TAFA1: variants seen among roughly 807,000 people sequenced by gnomAD.
TAFA1 encodes the protein chemokine-like protein TAFA-1.
A neutral mutation model predicts 18.5 loss-of-function variants in TAFA1; 4 were observed. That is an observed-to-expected ratio of 0.22 (90% CI 0.11 to 0.49). The LOEUF is 0.49. Ranked by LOEUF, TAFA1 falls within the 20% of genes least tolerant of loss-of-function variation. The pLI is 0.98. For missense variants in TAFA1, 147 were observed against 169.0 expected (o/e 0.87, Z 0.72); for synonymous variants, 56 against 55.2 (o/e 1.01, Z -0.06).
the TAFA1 span, among the ~76,000 whole-genome samples, chr3:67,992,197 T>G: frequency 6.6e-6 from 1 of 152,222 alleles, no homozygotes; most frequent in Non-Finnish European, 1.5e-5. Context: ...CCTGGGATCT[T>G]GGCTGTTTAC....
At chr3:68,100,103 A>C (rs1425049233) in intron 2 of TAFA1, among the ~76,000 whole-genome samples, 1 of 152,150 alleles carries the variant, frequency 6.6e-6, no homozygotes, top group Non-Finnish European at 1.5e-5. Flanking sequence ...AGCATCACTC[A>C]ATATACCCAG....
At chr3:68,541,065 G>T (rs997796914) in intron 4 of TAFA1, among the ~76,000 whole-genome samples, 15 of 152,270 alleles carry the variant, frequency 9.9e-5, no homozygotes, top group Admixed American at 9.2e-4. Context: ...TGAAAGCAGA[G>T]GATGTACCTG....
At chr3:68,376,244 G>A (rs1229095816) in intron 2 of TAFA1, among the ~76,000 whole-genome samples, 1 of 151,182 alleles carries the variant, frequency 6.6e-6, no homozygotes, top group African/African-American at 2.4e-5. Flanking sequence ...TTCTATCCTA[G>A]TTCTTTTTTT....
chr3:68,266,573 G>A (rs1471013042), intron 2 of TAFA1, among the ~76,000 whole-genome samples: 3 of 151,984 alleles, frequency 2.0e-5, no homozygotes, highest in Admixed American at 6.6e-5. Context: ...TCCCTTTACC[G>A]AGACTTGTTG....
rs188912241 is a variant in TAFA1, at chr3:68,089,756, C to A, written c.118+83012C>A. 1.5e-4 allele frequency among the ~76,000 whole-genome samples: 23 copies of A among 152,148 alleles called. No individual in the cohort carries two copies. The East Asian group carries it at 4.5e-3, about 29-fold the overall frequency. Reference sequence around the variant, plus strand: ...GTTCCTGAGGCACTCAGAGAGAATCCTTTTTAATAATTCAGCCATCTGTAT... The same window carrying A: ...GTTCCTGAGGCACTCAGAGAGAATCATTTTTAATAATTCAGCCATCTGTAT... On this transcript the variant is annotated intron_variant, in intron 2 of 4. Transcript: ENST00000478136.
intron 2 of TAFA1, among the ~76,000 whole-genome samples, chr3:68,117,289 T>G (rs2065335907): frequency 6.6e-6 from 1 of 152,176 alleles, no homozygotes; most frequent in African/African-American, 2.4e-5. Flanking sequence ...ACGCAAAACT[T>G]CTCAGGAGCA....
At chr3:68,255,556 G>C (rs959922849) in intron 2 of TAFA1, among the ~76,000 whole-genome samples, 1 of 152,010 alleles carries the variant, frequency 6.6e-6, no homozygotes, top group Non-Finnish European at 1.5e-5. Flanking sequence ...CTGGGATTTG[G>C]AGCTAAATGT....
chr3:68,541,650 G>A (rs1511907), intron 4 of TAFA1, among the ~76,000 whole-genome samples: 33,937 of 151,658 alleles, frequency 0.22, 4,602 homozygotes, highest in South Asian at 0.33. Context: ...TTCAAAGACA[G>A]TTCACTCAGG....
chr3:68,446,012 C>T (rs2071469258), intron 3 of TAFA1, among the ~76,000 whole-genome samples: 1 of 152,130 alleles, frequency 6.6e-6, no homozygotes. Flanking sequence ...AGTAATTCTT[C>T]CTCTTTAGTC....
At chr3:68,180,209 T>G (rs2066180339) in intron 2 of TAFA1, among the ~76,000 whole-genome samples, 2 of 151,702 alleles carry the variant, frequency 1.3e-5, no homozygotes, top group Non-Finnish European at 2.9e-5. Flanking sequence ...ATTTTTTTTT[T>G]TTGTATTTTT....
At chr3:68,391,897 G>A (rs2070259383) in intron 2 of TAFA1, among the ~76,000 whole-genome samples, 1 of 152,134 alleles carries the variant, frequency 6.6e-6, no homozygotes, top group Admixed American at 6.6e-5. Context: ...ACCAGCCACT[G>A]CAAAAGCATA....
chr3:68,143,640 G>A (rs931831812), intron 2 of TAFA1, among the ~76,000 whole-genome samples: 2 of 152,082 alleles, frequency 1.3e-5, no homozygotes, highest in Non-Finnish European at 2.9e-5. Context: ...AAGAGTCTTC[G>A]GACATGGCCA....
Position 68,506,262 on chromosome 3 carries a change from C to T in TAFA1, c.260-32494C>T, listed in dbSNP as rs377629759. Among the ~76,000 whole-genome samples, 32 of 152,158 alleles carry T rather than the reference C, an allele frequency of 2.1e-4. No individual in the cohort carries two copies. In the Middle Eastern group the frequency reaches 0.01, roughly 49 times the overall value. The stretch of plus-strand genomic sequence containing the variant: ...CATAGTATTCCATGGTGTATATATG[C>T]CACATTTTCTTTATCCAGTCTATCA... On this transcript the variant is annotated intron_variant, in intron 3 of 4. Coordinates refer to ENST00000478136, the MANE Select transcript of TAFA1 (RefSeq NM_213609.4).
intron 2 of TAFA1, among the ~76,000 whole-genome samples, chr3:68,038,161 T>G (rs563070665): frequency 1.3e-5 from 2 of 152,312 alleles, no homozygotes; most frequent in Non-Finnish European, 2.9e-5. Context: ...TTCTTTATCG[T>G]ATTTTATCAT....
intron 2 of TAFA1, among the ~76,000 whole-genome samples, chr3:68,333,496 G>A (rs1242477196): frequency 1.3e-5 from 2 of 151,376 alleles, no homozygotes; most frequent in East Asian, 3.9e-4. Flanking sequence ...GTGGGTGGAG[G>A]GTGATCAAAA....
chr3:68,486,895 G>C (rs2072352190), intron 3 of TAFA1, among the ~76,000 whole-genome samples: 1 of 152,058 alleles, frequency 6.6e-6, no homozygotes, highest in South Asian at 2.1e-4. Context: ...TGTGTTATTG[G>C]TATGCTCATT....
At chr3:68,219,042 C>T (rs1339770205) in intron 2 of TAFA1, among the ~76,000 whole-genome samples, 4 of 150,386 alleles carry the variant, frequency 2.7e-5, no homozygotes, top group African/African-American at 9.8e-5. Flanking sequence ...CCAAGATGTT[C>T]TCTAAAAGGA....
chr3:68,370,429 C>T (rs1266626817), intron 2 of TAFA1, among the ~76,000 whole-genome samples: 1 of 90,002 alleles, frequency 1.1e-5, no homozygotes, highest in Admixed American at 1.4e-4. Flanking sequence ...CACACACACA[C>T]ACATATATAT....
intron 2 of TAFA1, among the ~76,000 whole-genome samples, chr3:68,183,548 A>T (rs557056617): frequency 6.6e-6 from 1 of 152,138 alleles, no homozygotes; most frequent in Non-Finnish European, 1.5e-5. Context: ...AGACTGTTGG[A>T]TCCTGTATAT....
Sources: allele counts gnomAD v4.1 joint callset (sites outside exome capture counted in the v4.1 genomes callset), GRCh38; gene constraint gnomAD v4.1.1; transcripts MANE v1.5; gene names NCBI Gene and HGNC (gene_info 2026-07-23, HGNC 2026-07-21).